The following CUBN variants were observed in gnomAD, a reference collection of about 807,000 sequenced individuals.
CUBN encodes the protein cubilin.
A neutral mutation model predicts 405.3 loss-of-function variants in CUBN; 282 were observed. The observed-to-expected ratio is 0.70, with a 90% confidence interval of 0.63 to 0.77. The LOEUF (loss-of-function observed/expected upper bound fraction) is 0.77. Ranked by LOEUF, CUBN falls within the 30% of genes least tolerant of loss-of-function variation. The probability of loss-of-function intolerance (pLI) is 0.00; values close to 1 mark genes in which losing one functional copy is unlikely to be tolerated. For missense variants in CUBN, 4,514 were observed against 4,475.2 expected (o/e 1.01, Z -0.25); for synonymous variants, 1,684 against 1,617.0 (o/e 1.04, Z -0.99).
intron 28 of CUBN, among the ~76,000 whole-genome samples, chr10:17,001,153 C>T (rs530209345): frequency 6.6e-6 from 1 of 152,172 alleles, no homozygotes; most frequent in Non-Finnish European, 1.5e-5. Flanking sequence ...TCTGGTCTCG[C>T]TGGCTTCAGG....
intron 39 of CUBN, among the ~76,000 whole-genome samples, chr10:16,937,001 G>A (rs1023698676): frequency 1.3e-5 from 2 of 152,160 alleles, no homozygotes. Context: ...ACAGGCATCA[G>A]CCACCGCACC....
intron 28 of CUBN, among the ~76,000 whole-genome samples, chr10:16,997,250 A>G (rs1218326989): frequency 6.6e-6 from 1 of 152,088 alleles, no homozygotes; most frequent in Non-Finnish European, 1.5e-5. Context: ...CCTGGCAAAC[A>G]TGGTGAAACC....
intron 28 of CUBN, among the ~76,000 whole-genome samples, chr10:17,008,738 G>A (rs960184502): frequency 7.9e-5 from 12 of 151,992 alleles, no homozygotes; most frequent in Admixed American, 5.9e-4. Flanking sequence ...GTGTGTGCCC[G>A]CTTGGCACTA....
At chr10:17,070,017 CA>C (rs1215506001) in intron 19 of CUBN, among the ~76,000 whole-genome samples, 1 of 152,142 alleles carries the variant, frequency 6.6e-6, no homozygotes, top group African/African-American at 2.4e-5. Flanking sequence ...TTAGCTCTGA[CA>C]TTTAGGTCTA....
chr10:16,845,553 A>G (rs1384365507), intron 60 of CUBN, among the ~76,000 whole-genome samples: 1 of 152,210 alleles, frequency 6.6e-6, no homozygotes. Context: ...TCTGGGAAAA[A>G]GCCACAAAGA....
chr10:16,981,519 G>C (rs1411442826), intron 31 of CUBN, among the ~76,000 whole-genome samples: 2 of 152,182 alleles, frequency 1.3e-5, no homozygotes, highest in Non-Finnish European at 2.9e-5. Flanking sequence ...TCCATGGACG[G>C]CAAATGCTAA....
chr10:16,824,706 G>A lies in CUBN; in HGVS notation c.*269C>T. 1 of 385,706 alleles carries A rather than the reference G, an allele frequency of 2.6e-6. No individual in the cohort carries two copies. The highest frequency in any genetic ancestry group is 5.0e-6 in the Non-Finnish European group (1 of 199,356). 23.9% of individuals were successfully genotyped at this position (385,706 alleles called of 1,614,324 possible). On this transcript the variant is annotated 3_prime_UTR_variant, in exon 67 of 67. Coordinates refer to ENST00000377833, the MANE Select transcript of CUBN (RefSeq NM_001081.4). ...TGGCTAATTATTATATTGTTAGAGA[G>A]ATGAGGTTTCACCATGCTGGCCAGG...
At chr10:16,910,027 TTTC>T (rs1841676766) in intron 48 of CUBN, among the ~76,000 whole-genome samples, 1 of 152,208 alleles carries the variant, frequency 6.6e-6, no homozygotes, top group Admixed American at 6.5e-5. Flanking sequence ...GCAGATCTTC[TTTC>T]TTCTTCACTC....
rs771697506 is a variant in CUBN at position 16,900,813 on chromosome 10, G to A, written c.8222C>T (p.Thr2741Ile). 5.6e-6 allele frequency: 9 copies of A among 1,613,896 alleles called. No homozygotes were observed. The Admixed American group carries it at 1.5e-4, about 27-fold the overall frequency. ...FSDFDIEPHT[T>I]CAWDSVTVRN... is the part of the protein sequence containing the mutation. ...GACAGTGACAGAGTCCCAAGCACAA[G>A]TTGTATGGGGTTCAATATCAAAGTC... Residue 2741 changes from threonine (T) to isoleucine (I), a missense_variant, in exon 53 of 67, where the codon ACT becomes ATT. This residue lies in a region of CUBN where 1,186 missense variants were observed against 1,186.9 expected (regional missense o/e 1.00). Coordinates refer to ENST00000377833, the MANE Select transcript of CUBN (RefSeq NM_001081.4).
chr10:17,039,299 A>G (rs1190945194), intron 27 of CUBN, among the ~76,000 whole-genome samples: 1 of 152,210 alleles, frequency 6.6e-6, no homozygotes, highest in Non-Finnish European at 1.5e-5. Flanking sequence ...CCAGTTTGGA[A>G]TTCAATCTTT....
chr10:16,991,225 C>A (rs947879089), intron 28 of CUBN, among the ~76,000 whole-genome samples: 3 of 152,210 alleles, frequency 2.0e-5, no homozygotes, highest in Non-Finnish European at 4.4e-5. Context: ...AATAATGCCA[C>A]CTTTCATTGA....
chr10:17,061,316 T>C lies in CUBN; in HGVS notation c.3139+4192A>G, dbSNP rs538340465. On this transcript the variant is annotated intron_variant, in intron 22 of 66. Coordinates refer to ENST00000377833, the MANE Select transcript of CUBN (RefSeq NM_001081.4). The stretch of plus-strand genomic sequence containing the variant: ...TCCTTGATAAACTACAAAGTTTCAT[T>C]AGAACCCCTTGAATTGCTTGGCGAA... Among the ~76,000 whole-genome samples, 24 of 152,252 alleles carry C rather than the reference T, an allele frequency of 1.6e-4. 1 individual carries two copies. In the South Asian group the frequency reaches 3.9e-3, roughly 25 times the overall value.
At chr10:16,903,888 A>G in intron 51 of CUBN, 78 bp downstream of exon 51, 1 of 1,049,094 alleles carries the variant, frequency 9.5e-7, no homozygotes, top group Non-Finnish European at 1.4e-6. Flanking sequence ...ATCTAACAAA[A>G]TATATATGAA....
chr10:16,876,355 T>C (rs1177085682), intron 57 of CUBN, among the ~76,000 whole-genome samples: 4 of 152,224 alleles, frequency 2.6e-5, no homozygotes, highest in Non-Finnish European at 5.9e-5. Context: ...AGTCTATTGC[T>C]CCTCTTTTCT....
Position 16,824,948 on chromosome 10 carries a change from G to A in CUBN, c.*27C>T. 6.6e-7 allele frequency: 1 copy of A among 1,523,020 alleles called. No individual in the cohort carries two copies. The highest frequency in any genetic ancestry group is 9.1e-7 in the Non-Finnish European group (1 of 1,097,444). The allele number at this position is 1,523,020 out of a possible 1,614,324, so 94.3% of individuals were successfully genotyped here. A position where few individuals can be genotyped will look rare whatever the true frequency, so the allele number is the denominator to read the frequency against. ...GTCCAGCGTGCTGCAGAGGGAAAGT[G>A]CTGAGTGAACACGAGTTGTTACCCA... is the stretch of plus-strand genomic sequence containing the variant. On this transcript the variant is annotated 3_prime_UTR_variant, in exon 67 of 67. Coordinates refer to ENST00000377833, the MANE Select transcript of CUBN (RefSeq NM_001081.4).
rs976386639 is a variant in CUBN at position 17,100,753 on chromosome 10, G to A, written c.1531-514C>T. Among the ~76,000 whole-genome samples the A allele has an allele frequency of 7.9e-5, 12 of 152,182 alleles. 1 individual carries two copies. Among genetic ancestry groups the A allele is most frequent in the Admixed American group, 7.9e-4 (12 of 15,272 alleles). On this transcript the variant is annotated intron_variant, in intron 13 of 66. Transcript: ENST00000377833. The stretch of plus-strand genomic sequence containing the variant: ...TTCTGACGCCAGCCCAGACCGACAC[G>A]CTCAGGTGTGGGCGGAGTAGGCGGG...
Position 17,084,262 on chromosome 10 carries a change from G to T in CUBN, c.2301+9C>A. ...TGTCATCTAAGGGCGATTGAGTAGTGAAAGTTACCTCAATGTAATTCTGAG... is the reference window on the plus strand; with the variant it reads ...TGTCATCTAAGGGCGATTGAGTAGTTAAAGTTACCTCAATGTAATTCTGAG... On this transcript the variant is annotated intron_variant, in intron 17 of 66. Coordinates refer to ENST00000377833, the MANE Select transcript of CUBN (RefSeq NM_001081.4). 6.2e-7 allele frequency: 1 copy of T among 1,613,076 alleles called. No homozygotes were observed. Among genetic ancestry groups the T allele is most frequent in the Non-Finnish European group, 8.5e-7 (1 of 1,179,380 alleles).
At chr10:17,030,010 A>G (rs1385519665) in intron 27 of CUBN, among the ~76,000 whole-genome samples, 1 of 152,196 alleles carries the variant, frequency 6.6e-6, no homozygotes, top group Non-Finnish European at 1.5e-5. Flanking sequence ...GGTGGCATCA[A>G]ACTCTCATAG....
At chr10:16,856,290 C>T (rs185685551) in intron 59 of CUBN, among the ~76,000 whole-genome samples, 7 of 152,236 alleles carry the variant, frequency 4.6e-5, no homozygotes, top group Non-Finnish European at 1.0e-4. Context: ...GTGTGTCAGT[C>T]ACTCTCTGAT....
Sources: gnomAD v4.1 joint callset for allele counts (sites outside exome capture counted in the v4.1 genomes callset) on GRCh38, gnomAD v4.1.1 for gene constraint, gnomAD v4.1.1 regional missense constraint, MANE v1.5 for transcripts, NCBI Gene and HGNC (gene_info 2026-07-23, HGNC 2026-07-21) for gene names.